Variants in SLIT3 observed in about 807,000 individuals in gnomAD.
The protein encoded by SLIT3 is slit guidance ligand 3.
A neutral mutation model predicts 184.0 loss-of-function variants in SLIT3; 68 were observed. The observed-to-expected ratio is 0.37, with a 90% CI of 0.30 to 0.45. SLIT3 has a LOEUF of 0.45. Among genes scored for constraint, SLIT3 ranks in the 20% least tolerant of loss-of-function variants. SLIT3 has a pLI of 1.00. For missense variants in SLIT3, 1,707 were observed against 2,026.0 expected, an observed-to-expected ratio of 0.84 and a Z score of 3.02; for synonymous variants, 831 against 828.6, an observed-to-expected ratio of 1.00 and a Z score of -0.05.
rs1180172900 is a variant in SLIT3 at position 168,785,926 on chromosome 5, G to A, written c.1132C>T (p.Leu378=). 1 of 1,612,598 alleles carries A rather than the reference G, an allele frequency of 6.2e-7. No individual in the cohort carries two copies. Among genetic ancestry groups the A allele is most frequent in the South Asian group, 1.1e-5 (1 of 91,042 alleles). ...ACTCACAGCAGCTGTAGGGACACCA[G>A]CCCATCAAACAGTCCCTTGACAATC... ...TEIVKGLFDG[L]VSLQLLLLNA... Residue 378 remains leucine, a synonymous_variant, in exon 12 of 36, where the codon CTG becomes TTG. Coordinates refer to ENST00000519560, the MANE Select transcript of SLIT3 (RefSeq NM_003062.4).
intron 4 of SLIT3, among the ~76,000 whole-genome samples, chr5:169,100,410 T>G (rs1469732248): frequency 2.0e-5 from 3 of 151,996 alleles, no homozygotes; most frequent in Non-Finnish European, 2.9e-5. Context: ...ATGGGGAAAA[T>G]GATACCCACT....
chr5:169,114,761 C>T (rs927294344), intron 4 of SLIT3, among the ~76,000 whole-genome samples: 2 of 152,214 alleles, frequency 1.3e-5, no homozygotes, highest in Non-Finnish European at 1.5e-5. Flanking sequence ...GCTCTCACCA[C>T]CTGGGAAGGA....
intron 4 of SLIT3, among the ~76,000 whole-genome samples, chr5:168,924,020 CTAAAA>C (rs1761725473): frequency 6.6e-6 from 1 of 152,224 alleles, no homozygotes; most frequent in Non-Finnish European, 1.5e-5. Flanking sequence ...CCTGCAAAGC[CTAAAA>C]TAATATCTGG....
intron 4 of SLIT3, among the ~76,000 whole-genome samples, chr5:169,008,383 C>T (rs1382827874): frequency 6.6e-6 from 1 of 152,116 alleles, no homozygotes; most frequent in Non-Finnish European, 1.5e-5. Context: ...CCATGACGGG[C>T]CTGACTTCCC....
At position 168,663,500 on chromosome 5, in the gene SLIT3, T is replaced by G. The variant is rs2113138835; in HGVS notation, c.*2954A>C. The G allele has an allele frequency of 6.6e-6, 1 of 152,430 alleles. No homozygotes were observed. The highest frequency in any genetic ancestry group is 1.5e-5 in the Non-Finnish European group (1 of 68,116). The allele number at this position is 152,430 out of a possible 1,614,324, so 9.4% of individuals were successfully genotyped here. A position where few individuals can be genotyped will look rare whatever the true frequency, so the allele number is the denominator to read the frequency against. Reference sequence around the variant, plus strand: ...CTCTGTCTCCTCTTTCAGGCCTTTATGCTGCCACAGCTCTCTTCCTAAACC... The same window carrying G: ...CTCTGTCTCCTCTTTCAGGCCTTTAGGCTGCCACAGCTCTCTTCCTAAACC... On this transcript the variant is annotated 3_prime_UTR_variant, in exon 36 of 36. Coordinates refer to ENST00000519560, the MANE Select transcript of SLIT3 (RefSeq NM_003062.4).
intron 4 of SLIT3, among the ~76,000 whole-genome samples, chr5:169,003,021 G>C (rs1250599444): frequency 6.6e-6 from 1 of 152,096 alleles, no homozygotes; most frequent in African/African-American, 2.4e-5. Context: ...ATTCTTTGGG[G>C]GAAGGCTGCC....
At position 169,067,321 on chromosome 5, in the gene SLIT3, G is replaced by C. The variant is rs146658072; in HGVS notation, c.413+126158C>G. Among the ~76,000 whole-genome samples the C allele has an allele frequency of 2.8e-3, 422 of 152,204 alleles. 2 individuals are homozygous for C. The highest frequency in any genetic ancestry group is 9.9e-3 in the African/African-American group (410 of 41,522). On this transcript the variant is annotated intron_variant, in intron 4 of 35. Coordinates refer to ENST00000519560, the MANE Select transcript of SLIT3 (RefSeq NM_003062.4). The stretch of plus-strand genomic sequence containing the variant: ...CTCAGGAGGCTGAGGCAGGAGAATT[G>C]CTTGAACCTGGGAAGCAGAAGTTGC...
At chr5:168,862,806 C>T (rs935778388) in intron 5 of SLIT3, among the ~76,000 whole-genome samples, 3 of 152,094 alleles carry the variant, frequency 2.0e-5, no homozygotes, top group Non-Finnish European at 2.9e-5. Context: ...TCCCGAGTAG[C>T]TGGGACTACA....
chr5:169,108,916 G>T (rs192296253), intron 4 of SLIT3, among the ~76,000 whole-genome samples: 13 of 152,310 alleles, frequency 8.5e-5, no homozygotes, highest in Admixed American at 5.2e-4. Context: ...TCATCCACAT[G>T]CTCTTTCAGG....
At chr5:168,938,293 G>A (rs1762223268) in intron 4 of SLIT3, among the ~76,000 whole-genome samples, 1 of 152,230 alleles carries the variant, frequency 6.6e-6, no homozygotes, top group African/African-American at 2.4e-5. Flanking sequence ...TCTATGGATA[G>A]ATTTTAATGA....
At chr5:169,256,394 G>A (rs955475977) in intron 1 of SLIT3, among the ~76,000 whole-genome samples, 6 of 152,186 alleles carry the variant, frequency 3.9e-5, no homozygotes, top group East Asian at 1.9e-4. Context: ...CCTGCTGTGC[G>A]GGTTTATAGC....
intron 20 of SLIT3, among the ~76,000 whole-genome samples, chr5:168,746,730 G>A (rs1754451205): frequency 8.3e-6 from 1 of 120,506 alleles, no homozygotes. Flanking sequence ...GTGGCGGTGT[G>A]TGGTGGTGTG....
chr5:169,010,558 C>T (rs1053372733), intron 4 of SLIT3, among the ~76,000 whole-genome samples: 10 of 152,070 alleles, frequency 6.6e-5, no homozygotes, highest in Admixed American at 3.9e-4. Context: ...AAACTCATAC[C>T]TGAGTTTGTA....
At chr5:169,292,322 C>G (rs777788954) in intron 1 of SLIT3, among the ~76,000 whole-genome samples, 2 of 152,154 alleles carry the variant, frequency 1.3e-5, no homozygotes, top group African/African-American at 2.4e-5. Context: ...GTTGGTGAGA[C>G]TTGTGGTACT....
chr5:168,925,400 A>C (rs1273675929), intron 4 of SLIT3, among the ~76,000 whole-genome samples: 1 of 152,170 alleles, frequency 6.6e-6, no homozygotes, highest in Non-Finnish European at 1.5e-5. Context: ...TTCTAAATCT[A>C]TATCCAGAGC....
intron 5 of SLIT3, among the ~76,000 whole-genome samples, chr5:168,862,544 C>T (rs1397144467): frequency 6.6e-6 from 1 of 152,128 alleles, no homozygotes; most frequent in Non-Finnish European, 1.5e-5. Context: ...TGATGGTGAC[C>T]TCCTTACTCT....
Position 169,017,353 on chromosome 5 carries a change from C to T in SLIT3, c.414-134017G>A, listed in dbSNP as rs77160323. 8.8e-3 allele frequency among the ~76,000 whole-genome samples: 1,338 copies of T among 152,298 alleles called. 21 individuals are homozygous for T. Among genetic ancestry groups the T allele is most frequent in the African/African-American group, 0.031 (1,275 of 41,570 alleles). Reference sequence around the variant, plus strand: ...ATCCCCTTCGACTCCTTCCCAATGCCCAGCTCACATCAGGCACTGAAGGTC... The same window carrying T: ...ATCCCCTTCGACTCCTTCCCAATGCTCAGCTCACATCAGGCACTGAAGGTC... On this transcript the variant is annotated intron_variant, in intron 4 of 35. Coordinates refer to ENST00000519560, the MANE Select transcript of SLIT3 (RefSeq NM_003062.4).
At position 168,749,480 on chromosome 5, in the gene SLIT3, G is replaced by T; in HGVS notation, c.2129C>A (p.Thr710Asn). Reference sequence around the variant, plus strand: ...ACCCACAGCCTTCTTACCATCACAGGTGAAGTCCTGGATGGCCACATCCTG... The same window carrying T: ...ACCCACAGCCTTCTTACCATCACAGTTGAAGTCCTGGATGGCCACATCCTG... ...PIQDVAIQDF[T>N]CDGNEESSCQ... The change falls in exon 19 of 36, where the codon ACC becomes AAC. Residue 710 changes from threonine to asparagine, a missense_variant. By Grantham distance (65) the Thr-to-Asn change is moderately conservative. Transcript: ENST00000519560. 1.9e-6 allele frequency: 3 copies of T among 1,614,120 alleles called. No homozygotes were observed. Among genetic ancestry groups the T allele is most frequent in the Non-Finnish European group, 2.5e-6 (3 of 1,180,010 alleles).
intron 4 of SLIT3, among the ~76,000 whole-genome samples, chr5:168,890,787 T>C (rs1377125163): frequency 6.6e-6 from 1 of 152,228 alleles, no homozygotes; most frequent in African/African-American, 2.4e-5. Flanking sequence ...TTTGCTTTTA[T>C]GTATGTGTGA....
Sources: allele counts gnomAD v4.1 joint callset (sites outside exome capture counted in the v4.1 genomes callset), GRCh38; gene constraint gnomAD v4.1.1; transcripts MANE v1.5; gene names NCBI Gene and HGNC (gene_info 2026-07-23, HGNC 2026-07-21).